The following WDR19 variants were observed in gnomAD, a reference collection of about 807,000 sequenced individuals.
WDR19 encodes WD repeat-containing protein 19.
Under a neutral mutation model 180.0 loss-of-function variants are expected in WDR19, and 121 were observed. That is an observed-to-expected ratio of 0.67 (90% CI 0.58 to 0.78). The LOEUF is 0.78. Among genes scored for constraint, WDR19 ranks in the 30% least tolerant of loss-of-function variants. The probability of loss-of-function intolerance (pLI) is 0.00; values close to 1 mark genes in which losing one functional copy is unlikely to be tolerated. For synonymous variants in WDR19, 497 were observed against 540.7 expected (o/e 0.92, Z 1.12); for missense variants, 1,450 against 1,640.7 (o/e 0.88, Z 2.01).
intron 23 of WDR19, 32 bp from the exon 24 acceptor site, chr4:39,245,337 C>T (rs779106374): frequency 2.8e-5 from 44 of 1,552,826 alleles, no homozygotes; most frequent in Non-Finnish European, 3.7e-5. Context: ...GAACACAGTA[C>T]TCATACTGTT....
intron 29 of WDR19, among the ~76,000 whole-genome samples, chr4:39,266,467 T>C (rs768556940): frequency 9.2e-5 from 14 of 152,228 alleles, no homozygotes; most frequent in Admixed American, 2.0e-4. Context: ...CAGGGCCACA[T>C]GTGGCCTGCA....
intron 4 of WDR19, among the ~76,000 whole-genome samples, chr4:39,193,391 C>T (rs187935478): frequency 1.8e-4 from 28 of 152,226 alleles, no homozygotes; most frequent in Middle Eastern, 3.4e-3. Context: ...AACTCCTGAT[C>T]TTGTGATCTG....
chr4:39,244,990 CA>C (rs1732362336), intron 23 of WDR19, among the ~76,000 whole-genome samples: 1 of 143,154 alleles, frequency 7.0e-6, no homozygotes, highest in Non-Finnish European at 1.5e-5. Flanking sequence ...GGCTGAAGTG[CA>C]GCTGGCACGA....
chr4:39,216,921 A>G (rs1729127475), intron 12 of WDR19, among the ~76,000 whole-genome samples: 1 of 152,250 alleles, frequency 6.6e-6, no homozygotes, highest in Non-Finnish European at 1.5e-5. Context: ...GTAAACCATA[A>G]TGGAATGCCT....
intron 36 of WDR19, among the ~76,000 whole-genome samples, chr4:39,279,023 A>G (rs1483406844): frequency 1.3e-5 from 2 of 152,126 alleles, no homozygotes; most frequent in Non-Finnish European, 1.5e-5. Context: ...TGGCTTCCAG[A>G]GATTTGGAAA....
chr4:39,254,385 A>G (rs1460592755), intron 26 of WDR19, among the ~76,000 whole-genome samples: 2 of 152,210 alleles, frequency 1.3e-5, no homozygotes, highest in Non-Finnish European at 2.9e-5. Flanking sequence ...AAATGTAAAT[A>G]TTTTCATTAA....
intron 19 of WDR19, 121 bp from the exon 20 acceptor site, chr4:39,234,645 A>G: frequency 1.4e-6 from 1 of 702,636 alleles, no homozygotes; most frequent in Non-Finnish European, 2.6e-6. Flanking sequence ...CATTGTAAAG[A>G]TCAAGTTTCA....
At chr4:39,214,921 TGCCACCACGCCCA>T (rs1728909326) in intron 10 of WDR19, among the ~76,000 whole-genome samples, 1 of 151,940 alleles carries the variant, frequency 6.6e-6, no homozygotes, top group African/African-American at 2.4e-5. Context: ...TACAGGCACG[TGCCACCACGCCCA>T]GCTAATTTTT....
intron 5 of WDR19, among the ~76,000 whole-genome samples, chr4:39,197,425 C>A (rs1427369100): frequency 9.7e-5 from 11 of 113,332 alleles, no homozygotes; most frequent in African/African-American, 3.8e-4. Flanking sequence ...GACTCTATCT[C>A]AAAAAAAAAA....
intron 4 of WDR19, among the ~76,000 whole-genome samples, chr4:39,194,241 CTA>C (rs1726479138): frequency 6.6e-6 from 1 of 152,140 alleles, no homozygotes; most frequent in Non-Finnish European, 1.5e-5. Context: ...AGAGCTAAAA[CTA>C]TCATTAATAG....
chr4:39,275,593 G>A (rs556136640), intron 33 of WDR19, among the ~76,000 whole-genome samples: 10 of 152,240 alleles, frequency 6.6e-5, no homozygotes, highest in South Asian at 2.1e-4. Context: ...TCATGTCCTC[G>A]TTCCAGGCAG....
intron 36 of WDR19, among the ~76,000 whole-genome samples, chr4:39,284,900 T>C (rs1737012072): frequency 6.6e-6 from 1 of 152,112 alleles, no homozygotes; most frequent in Non-Finnish European, 1.5e-5. Flanking sequence ...GAAACGTCAC[T>C]ATAGCCAGGC....
At chr4:39,253,124 T>C in intron 24 of WDR19, 22 bp from the exon 25 acceptor site, 1 of 1,552,942 alleles carries the variant, frequency 6.4e-7, no homozygotes, top group East Asian at 2.3e-5. Flanking sequence ...AAAAAAAGTT[T>C]ATCTGAGCTA....
intron 5 of WDR19, among the ~76,000 whole-genome samples, chr4:39,198,281 G>A (rs1034918323): frequency 2.0e-5 from 3 of 152,284 alleles, no homozygotes; most frequent in East Asian, 3.9e-4. Flanking sequence ...ATTAACGGCC[G>A]GGAGTGGTGG....
At chr4:39,225,081 G>A (rs1282704976) in intron 15 of WDR19, 48 bp downstream of exon 15, 2 of 1,424,820 alleles carry the variant, frequency 1.4e-6, no homozygotes, top group Admixed American at 3.1e-5. Context: ...ATGCAATATA[G>A]GGAAAAAAAG....
At chr4:39,209,185 A>C (rs928002657) in intron 9 of WDR19, among the ~76,000 whole-genome samples, 1 of 152,236 alleles carries the variant, frequency 6.6e-6, no homozygotes, top group Admixed American at 6.5e-5. Context: ...TCAAACTAGA[A>C]GTCAGTAACA....
At chr4:39,269,791 G>A (rs1200129608) in intron 30 of WDR19, among the ~76,000 whole-genome samples, 185 bp from the exon 31 acceptor site, 4 of 152,126 alleles carry the variant, frequency 2.6e-5, no homozygotes, top group East Asian at 1.9e-4. Flanking sequence ...GTGACAGAGC[G>A]AGACCCTATC....
chr4:39,225,853 C>G (rs1050479816), intron 15 of WDR19, among the ~76,000 whole-genome samples: 6 of 151,938 alleles, frequency 3.9e-5, no homozygotes, highest in Middle Eastern at 3.4e-3. Context: ...TCCTTTCCTT[C>G]TCTTCTCTTT....
At chr4:39,230,862 T>C (rs1255478503) in intron 17 of WDR19, among the ~76,000 whole-genome samples, 1 of 152,208 alleles carries the variant, frequency 6.6e-6, no homozygotes, top group Non-Finnish European at 1.5e-5. Context: ...AAAAGTTTAA[T>C]TGGCATTTAT....
Sources: allele counts gnomAD v4.1 joint callset (sites outside exome capture counted in the v4.1 genomes callset), GRCh38; gene constraint gnomAD v4.1.1; transcripts MANE v1.5; gene names NCBI Gene and HGNC (gene_info 2026-07-23, HGNC 2026-07-21).